The following EVI5 variants were observed in gnomAD, a reference collection of about 807,000 sequenced individuals.
EVI5 encodes the protein ecotropic viral integration site 5.
Under a neutral mutation model 112.0 loss-of-function variants are expected in EVI5, and 73 were observed. The ratio of observed to expected loss-of-function variants is 0.65; its 90% CI spans 0.54 to 0.79. The LOEUF is 0.79. Ranked by LOEUF, EVI5 falls within the 30% of genes least tolerant of loss-of-function variation. The pLI, the probability that EVI5 is intolerant of heterozygous loss-of-function variation, is 0.00. For missense variants in EVI5, 900 were observed against 968.8 expected (o/e 0.93, Z 0.94); for synonymous variants, 305 against 319.9 (o/e 0.95, Z 0.50).
chr1:92,732,046 C>A lies in EVI5; in HGVS notation c.149+4352G>T, dbSNP rs147393918. On this transcript the variant is annotated intron_variant, in intron 2 of 19. Transcript: ENST00000684568. ...ACGAGAGAGATGGCACAGTTGAACA[C>A]TGGGCAGCACTGCCAGATTTTCTTT... The A allele has an allele frequency of 2.6e-5, 4 of 154,310 alleles. No individual in the cohort carries two copies. The East Asian group carries it at 7.6e-4, about 29-fold the overall frequency. The allele number at this position is 154,310 out of a possible 1,614,324, so 9.6% of individuals were successfully genotyped here.
At chr1:92,769,812 G>A (rs543615742) in intron 1 of EVI5, among the ~76,000 whole-genome samples, 165 of 152,186 alleles carry the variant, frequency 1.1e-3, no homozygotes, top group African/African-American at 3.8e-3. Context: ...GCATGAACCC[G>A]AGAGGCAGAG....
intron 18 of EVI5, among the ~76,000 whole-genome samples, chr1:92,569,157 G>C (rs1325422809): frequency 6.6e-6 from 1 of 152,188 alleles, no homozygotes; most frequent in Non-Finnish European, 1.5e-5. Context: ...ATGATCCTGT[G>C]TGACAGGTAA....
At chr1:92,629,487 C>A (rs1656411593) in intron 14 of EVI5, among the ~76,000 whole-genome samples, 1 of 152,074 alleles carries the variant, frequency 6.6e-6, no homozygotes, top group Admixed American at 6.6e-5. Flanking sequence ...TATAAGAAAC[C>A]TGAAGTTCTT....
chr1:92,718,526 G>A (rs1674164921), intron 2 of EVI5, among the ~76,000 whole-genome samples: 2 of 152,178 alleles, frequency 1.3e-5, no homozygotes, highest in Non-Finnish European at 2.9e-5. Context: ...CAGAATTTCT[G>A]GGACACATTT....
chr1:92,628,465 A>C (rs958375416), intron 14 of EVI5, among the ~76,000 whole-genome samples: 1 of 152,248 alleles, frequency 6.6e-6, no homozygotes, highest in African/African-American at 2.4e-5. Context: ...TTCAGGTCTT[A>C]GGTTTAAGTC....
At chr1:92,571,989 T>C (rs1251810206) in intron 18 of EVI5, among the ~76,000 whole-genome samples, 7 of 152,186 alleles carry the variant, frequency 4.6e-5, no homozygotes, top group Admixed American at 4.6e-4. Flanking sequence ...TTTTGTCATA[T>C]ACCACAAATG....
intron 2 of EVI5, among the ~76,000 whole-genome samples, chr1:92,734,738 T>TG (rs1677059019): frequency 6.6e-6 from 1 of 152,190 alleles, no homozygotes; most frequent in African/African-American, 2.4e-5. Context: ...AGCTGCCAGC[T>TG]GGGGGAAGAA....
intron 1 of EVI5, among the ~76,000 whole-genome samples, chr1:92,791,314 A>C (rs1245903794): frequency 6.6e-6 from 1 of 152,208 alleles, no homozygotes; most frequent in Non-Finnish European, 1.5e-5. Context: ...TAAAATTTCA[A>C]GTGTTCTTGC....
rs565402630 is a variant in EVI5, at chr1:92,769,556, C to T, written c.-82+15280G>A. 4.6e-5 allele frequency among the ~76,000 whole-genome samples: 7 copies of T among 152,148 alleles called. No homozygotes were observed. In the East Asian group the frequency reaches 7.7e-4, roughly 17 times the overall value. ...GAACCTGTGACTATGTTATCTTATA[C>T]GGCAGAGGGTGCTTTGCAGCTATGA... On this transcript the variant is annotated intron_variant, in intron 1 of 19. Transcript: ENST00000684568.
chr1:92,574,583 A>G (rs762642872), intron 18 of EVI5, among the ~76,000 whole-genome samples: 8 of 152,182 alleles, frequency 5.3e-5, no homozygotes, highest in Non-Finnish European at 1.0e-4. Flanking sequence ...GTAGTGTATA[A>G]TATTGAAAAA....
chr1:92,771,110 C>A (rs1243194089), intron 1 of EVI5, among the ~76,000 whole-genome samples: 1 of 152,050 alleles, frequency 6.6e-6, no homozygotes. Flanking sequence ...GCCACAGCGC[C>A]TGGCGAGAAG....
intron 2 of EVI5, among the ~76,000 whole-genome samples, chr1:92,722,770 TC>T (rs1236957377): frequency 6.6e-6 from 1 of 152,034 alleles, no homozygotes; most frequent in African/African-American, 2.4e-5. Context: ...GACTATCTCT[TC>T]CCAAAACTTC....
chr1:92,606,596 C>A (rs1211906986), intron 17 of EVI5, among the ~76,000 whole-genome samples: 2 of 152,110 alleles, frequency 1.3e-5, no homozygotes, highest in African/African-American at 4.8e-5. Context: ...AACAGCCATG[C>A]ATATTTATAA....
At chr1:92,783,279 A>C (rs1365739246) in intron 1 of EVI5, among the ~76,000 whole-genome samples, 1 of 151,858 alleles carries the variant, frequency 6.6e-6, no homozygotes. Context: ...TAATCCCAGC[A>C]CTTTCGAAGG....
chr1:92,761,891 T>C (rs1397024317), intron 1 of EVI5, among the ~76,000 whole-genome samples: 1 of 152,118 alleles, frequency 6.6e-6, no homozygotes, highest in African/African-American at 2.4e-5. Context: ...GTTCCAATTC[T>C]GTAAATGGGA....
At chr1:92,769,611 C>T (rs550076164) in intron 1 of EVI5, among the ~76,000 whole-genome samples, 3 of 152,198 alleles carry the variant, frequency 2.0e-5, no homozygotes, top group East Asian at 3.9e-4. Context: ...GTAGGCTGGG[C>T]ACGGTGGCTC....
chr1:92,619,562 A>C (rs995205275), intron 16 of EVI5, among the ~76,000 whole-genome samples: 10 of 151,920 alleles, frequency 6.6e-5, no homozygotes, highest in Non-Finnish European at 1.5e-4. Flanking sequence ...CTCTAAGGGA[A>C]AGGTGAAAAA....
intron 18 of EVI5, among the ~76,000 whole-genome samples, chr1:92,569,517 A>G (rs1020144704): frequency 2.6e-5 from 4 of 152,172 alleles, no homozygotes; most frequent in Non-Finnish European, 5.9e-5. Context: ...TACCATTTAC[A>G]TGCGCTTATG....
At chr1:92,691,470 A>T (rs578031773) in intron 9 of EVI5, among the ~76,000 whole-genome samples, 1 of 152,276 alleles carries the variant, frequency 6.6e-6, no homozygotes, top group African/African-American at 2.4e-5. Flanking sequence ...ATGTCTGAAA[A>T]TTTTCCCAAG....
Sources: allele counts gnomAD v4.1 joint callset (sites outside exome capture counted in the v4.1 genomes callset), GRCh38; gene constraint gnomAD v4.1.1; transcripts MANE v1.5; gene names NCBI Gene and HGNC (gene_info 2026-07-23, HGNC 2026-07-21).